CPNE1: variants seen among roughly 807,000 people sequenced by gnomAD.
The protein encoded by CPNE1 is copine-1.
In CPNE1, 58 loss-of-function variants were observed where a neutral mutation model predicts 63.2. The observed-to-expected ratio is 0.92, with a 90% CI of 0.74 to 1.14. CPNE1 has a LOEUF of 1.14. Among genes scored for constraint, CPNE1 ranks in the 50% most tolerant of loss-of-function variants. The probability of loss-of-function intolerance (pLI) is 0.00; values close to 1 mark genes in which losing one functional copy is unlikely to be tolerated. For missense variants in CPNE1, 672 were observed against 661.7 expected (o/e 1.02, Z -0.17); for synonymous variants, 237 against 249.0 (o/e 0.95, Z 0.45).
intron 1 of CPNE1, chr20:35,652,207 T>C: frequency 4.8e-6 from 1 of 206,514 alleles, no homozygotes; most frequent in East Asian, 1.2e-4. Flanking sequence ...CTTCATCCCA[T>C]ATGGTATAAA....
chr20:35,630,469 T>C lies in CPNE1; in HGVS notation c.1072A>G (p.Asn358Asp). 6.2e-7 allele frequency: 1 copy of C among 1,614,110 alleles called. No homozygotes were observed. Among genetic ancestry groups the C allele is most frequent in the Non-Finnish European group, 8.5e-7 (1 of 1,180,012 alleles). ...DWQVSHEFAL[N>D]FNPSNPYCAG... ...CAGTAGGGGTTACTGGGGTTGAAATTCAAGGCAAATTCATGCGAGACCTGG... is the reference window on the plus strand; with the variant it reads ...CAGTAGGGGTTACTGGGGTTGAAATCCAAGGCAAATTCATGCGAGACCTGG... Residue 358 changes from asparagine to aspartate, a missense_variant, in exon 13 of 16, where the codon AAT (asparagine) becomes GAT (aspartate). Physicochemically the swap from Asn to Asp is conservative, Grantham distance 23. Coordinates refer to ENST00000397443, the MANE Select transcript of CPNE1 (RefSeq NM_152925.3).
intron 1 of CPNE1, among the ~76,000 whole-genome samples, chr20:35,658,182 A>T (rs2034015441): frequency 6.6e-6 from 1 of 152,248 alleles, no homozygotes; most frequent in Admixed American, 6.5e-5. Context: ...TTACTTAAAC[A>T]AGAGGGTTAG....
chr20:35,640,699 C>G (rs1266323741), intron 1 of CPNE1, among the ~76,000 whole-genome samples: 3 of 152,104 alleles, frequency 2.0e-5, no homozygotes, highest in Non-Finnish European at 2.9e-5. Flanking sequence ...CTTCAACAAG[C>G]AGAGGGACCA....
rs1237850334 is a variant in CPNE1, at chr20:35,631,775, G to C, written c.540C>G (p.Val180=). ...ATGTAGGGTTCAGGTTGTTCTTGAT[G>C]ACCTGAAGGTGGAGGCCAAGGCCTC... The part of the protein sequence containing the change: ...GKWHLVYRSE[V]IKNNLNPTWK... Residue 180 remains valine (V), a splice_region_variant and synonymous_variant, in exon 7 of 16, where the codon GTC becomes GTG. Coordinates refer to ENST00000397443, the MANE Select transcript of CPNE1 (RefSeq NM_152925.3). 1.9e-6 allele frequency: 3 copies of C among 1,613,544 alleles called. No homozygotes were observed. The South Asian group carries it at 3.3e-5, about 18-fold the overall frequency.
rs267605909 is a variant in CPNE1, at chr20:35,653,424, G to A, written c.-1+11336C>T. 14 of 1,612,810 alleles carry A rather than the reference G, an allele frequency of 8.7e-6. No individual in the cohort carries two copies. In the South Asian group the frequency reaches 8.8e-5, roughly 10 times the overall value. On this transcript the variant is annotated intron_variant, in intron 1 of 15. Coordinates refer to ENST00000397443, the MANE Select transcript of CPNE1 (RefSeq NM_152925.3). ...GCATCTTTAATCCCTTTTTTCCTTG[G>A]GCAGGGGGATTTTTCTCAATCTCTC...
At chr20:35,632,976 C>T (rs1038830092) in intron 1 of CPNE1, 53 bp from the exon 2 acceptor site, 14 of 838,102 alleles carry the variant, frequency 1.7e-5, no homozygotes, top group Non-Finnish European at 2.3e-5. Flanking sequence ...TCCCCTTCCC[C>T]GACTACAGGT....
At position 35,632,235 on chromosome 20, in the gene CPNE1, C is replaced by T. The variant is rs780332502; in HGVS notation, c.385-1G>A. On this transcript the variant is annotated splice_acceptor_variant, in intron 4 of 15. Coordinates refer to ENST00000397443, the MANE Select transcript of CPNE1 (RefSeq NM_152925.3). LOFTEE classifies it high-confidence loss of function. ...TGTCCTTTAATTCCTGAGCTGAGAC[C>T]TAGGTAGGGGAGACTACATCACCTC... 5 of 1,614,038 alleles carry T rather than the reference C, an allele frequency of 3.1e-6. No homozygotes were observed. Among genetic ancestry groups the T allele is most frequent in the Non-Finnish European group, 4.2e-6 (5 of 1,179,924 alleles).
At position 35,654,648 on chromosome 20, in the gene CPNE1, C is replaced by T. The variant is rs139141819; in HGVS notation, c.-1+10112G>A. On this transcript the variant is annotated intron_variant, in intron 1 of 15. Transcript: ENST00000397443. ...GTGGCACAGAAGGAACTGGGGGAAT[C>T]GGGGGCACAGGAGGCACAGGAGGCA... The T allele has an allele frequency of 8.7e-6, 14 of 1,613,800 alleles. No homozygotes were observed. In the African/African-American group the frequency reaches 1.2e-4, roughly 14 times the overall value.
At chr20:35,654,181 T>C in intron 1 of CPNE1, 1 of 1,614,260 alleles carries the variant, frequency 6.2e-7, no homozygotes, top group Non-Finnish European at 8.5e-7. Flanking sequence ...AGCTACCCAC[T>C]GTCTTTCTGT....
intron 1 of CPNE1, among the ~76,000 whole-genome samples, chr20:35,642,736 T>C (rs1248053663): frequency 6.6e-6 from 1 of 152,200 alleles, no homozygotes; most frequent in Non-Finnish European, 1.5e-5. Context: ...TCTATAAAAC[T>C]ACACATTCCT....
In CPNE1 at chr20:35,661,489, C is replaced by A. The variant is rs370560559; in HGVS notation, c.-1+3271G>T. Among the ~76,000 whole-genome samples the A allele has an allele frequency of 4.6e-5, 7 of 152,252 alleles. No homozygotes were observed. In the East Asian group the frequency reaches 1.3e-3, roughly 29 times the overall value. On this transcript the variant is annotated intron_variant, in intron 1 of 15. Coordinates refer to ENST00000397443, the MANE Select transcript of CPNE1 (RefSeq NM_152925.3). ...TAATGATAGGAAAGGAGAAAATGGGCCTGATTTGTCATTAAAGCCACTGAT... is the reference window on the plus strand; with the variant it reads ...TAATGATAGGAAAGGAGAAAATGGGACTGATTTGTCATTAAAGCCACTGAT...
chr20:35,634,860 C>A (rs934840572), intron 1 of CPNE1, among the ~76,000 whole-genome samples: 2 of 151,822 alleles, frequency 1.3e-5, no homozygotes, highest in Admixed American at 6.6e-5. Context: ...CCACCTCAGC[C>A]TCCCAAGTAG....
chr20:35,648,483 A>C, intron 1 of CPNE1, among the ~76,000 whole-genome samples: 1 of 152,306 alleles, frequency 6.6e-6, no homozygotes, highest in South Asian at 2.1e-4. Context: ...GCCATTTTGG[A>C]TATCTGTAGG....
At chr20:35,648,064 CAA>C (rs35084370) in intron 1 of CPNE1, among the ~76,000 whole-genome samples, 33 of 131,414 alleles carry the variant, frequency 2.5e-4, no homozygotes, top group African/African-American at 3.0e-4. Flanking sequence ...GACTCCATCT[CAA>C]AAAAAAAAAA....
intron 1 of CPNE1, among the ~76,000 whole-genome samples, chr20:35,648,745 G>A (rs1249362571): frequency 1.3e-5 from 2 of 152,162 alleles, no homozygotes; most frequent in Non-Finnish European, 2.9e-5. Context: ...CCTCCCTGCT[G>A]TTCCAAGTAT....
chr20:35,660,251 A>G (rs920946358), intron 1 of CPNE1, among the ~76,000 whole-genome samples: 16 of 151,794 alleles, frequency 1.1e-4, no homozygotes, highest in Admixed American at 2.6e-4. Flanking sequence ...CGCCCAGGCT[A>G]GAGTGCAGTG....
chr20:35,645,286 G>A (rs1218655398), intron 1 of CPNE1, among the ~76,000 whole-genome samples: 7 of 152,148 alleles, frequency 4.6e-5, no homozygotes, highest in African/African-American at 1.7e-4. Flanking sequence ...TTTAAGATGG[G>A]TCTTCAGAAT....
rs186146702 is a variant in CPNE1, at chr20:35,651,894, A to G, written c.-1+12866T>C. 2.4e-4 allele frequency: 36 copies of G among 152,674 alleles called. 1 individual carries two copies. Among genetic ancestry groups the G allele is most frequent in the African/African-American group, 8.4e-4 (35 of 41,550 alleles). 9.5% of individuals were successfully genotyped at this position (152,674 alleles called of 1,614,324 possible). On this transcript the variant is annotated intron_variant, in intron 1 of 15. Transcript: ENST00000397443. The stretch of plus-strand genomic sequence containing the variant: ...GAAGTGTGGACTTTTATATTTAGGG[A>G]AAAAAACCAACAAAACAGTTCTGCT...
At chr20:35,653,727 T>A (rs778007118) in intron 1 of CPNE1, 1 of 1,614,216 alleles carries the variant, frequency 6.2e-7, no homozygotes, top group Non-Finnish European at 8.5e-7. Context: ...CTGGATTTAG[T>A]ATCATTTCCC....
Sources: gnomAD v4.1 joint callset for allele counts (sites outside exome capture counted in the v4.1 genomes callset) on GRCh38, gnomAD v4.1.1 for gene constraint, MANE v1.5 for transcripts, NCBI Gene and HGNC (gene_info 2026-07-23, HGNC 2026-07-21) for gene names.